The following TMX2 variants were observed in gnomAD, a reference collection of about 807,000 sequenced individuals.
TMX2 encodes thioredoxin-related transmembrane protein 2.
TMX2 carries 20 observed loss-of-function variants against 33.4 expected under a neutral mutation model. The ratio of observed to expected loss-of-function variants is 0.60; its 90% CI spans 0.42 to 0.87. The LOEUF (loss-of-function observed/expected upper bound fraction) is 0.87, where lower values mean the gene tolerates loss of function less well. TMX2 is among the 40% of genes least tolerant of loss of function. The pLI is 0.00. For missense variants in TMX2, 340 were observed against 370.7 expected, an observed-to-expected ratio of 0.92 and a Z score of 0.68; for synonymous variants, 166 against 140.7, an observed-to-expected ratio of 1.18 and a Z score of -1.27.
At chr11:57,733,708 T>TA (rs1210027130) in intron 1 of TMX2, among the ~76,000 whole-genome samples, 5 of 152,204 alleles carry the variant, frequency 3.3e-5, no homozygotes, top group African/African-American at 9.7e-5. Context: ...CATTCAATTA[T>TA]CCTCTCTTCT....
intron 5 of TMX2, 99 bp downstream of exon 5, chr11:57,738,869 C>A: frequency 6.5e-7 from 1 of 1,526,748 alleles, no homozygotes; most frequent in Non-Finnish European, 9.1e-7. Context: ...GATTTTCACA[C>A]ATGGTAACCA....
At chr11:57,725,639 A>T (rs950992111) in intron 1 of TMX2, among the ~76,000 whole-genome samples, 1 of 152,092 alleles carries the variant, frequency 6.6e-6, no homozygotes, top group Non-Finnish European at 1.5e-5. Context: ...TGGGAGGCTG[A>T]GGCAGGAGAA....
chr11:57,723,660 G>C (rs929401195), intron 1 of TMX2, among the ~76,000 whole-genome samples: 1 of 150,702 alleles, frequency 6.6e-6, no homozygotes, highest in African/African-American at 2.4e-5. Flanking sequence ...AAAATTAGCC[G>C]GGCATGGTGG....
At chr11:57,736,357 C>A (rs1164571907) in intron 1 of TMX2, among the ~76,000 whole-genome samples, 10 of 144,850 alleles carry the variant, frequency 6.9e-5, no homozygotes, top group African/African-American at 2.3e-4. Flanking sequence ...AAAAAAAAAT[C>A]AAAAATGTCT....
chr11:57,724,780 C>T (rs1947866930), intron 1 of TMX2, among the ~76,000 whole-genome samples: 1 of 152,082 alleles, frequency 6.6e-6, no homozygotes, highest in East Asian at 1.9e-4. Flanking sequence ...TGGCTCACAC[C>T]TGTAATCCCA....
At chr11:57,713,475 C>T (rs1239878216) in intron 1 of TMX2, among the ~76,000 whole-genome samples, 1 of 152,086 alleles carries the variant, frequency 6.6e-6, no homozygotes, top group Non-Finnish European at 1.5e-5. Flanking sequence ...GGGAAGTGTC[C>T]CAAGCTCCTT....
At position 57,740,422 on chromosome 11, in the gene TMX2, G is replaced by A; in HGVS notation, c.*177G>A. ...GAATTGTCAGGCACCCTACAGGAAGGCCTGCCATGCTGTGGCCAACTGTTT... is the reference window on the plus strand; with the variant it reads ...GAATTGTCAGGCACCCTACAGGAAGACCTGCCATGCTGTGGCCAACTGTTT... On this transcript the variant is annotated 3_prime_UTR_variant, in exon 8 of 8. Transcript: ENST00000278422. 2 of 689,818 alleles carry A rather than the reference G, an allele frequency of 2.9e-6. No individual in the cohort carries two copies. The highest frequency in any genetic ancestry group is 2.3e-5 in the South Asian group (1 of 44,034). The allele number at this position is 689,818 out of a possible 1,614,324, so 42.7% of individuals were successfully genotyped here. A position where few individuals can be genotyped will look rare whatever the true frequency, so the allele number is the denominator to read the frequency against.
chr11:57,740,103 A>C lies in TMX2; in HGVS notation c.749A>C (p.Asn250Thr), dbSNP rs755481457. Residue 250 changes from asparagine (N) to threonine (T), a missense_variant, in exon 8 of 8, where the codon AAT (asparagine) becomes ACT (threonine). By Grantham distance (65) the Asn-to-Thr change is moderately conservative. Coordinates refer to ENST00000278422, the MANE Select transcript of TMX2 (RefSeq NM_015959.4). ...GTGTGCATCTCTTTTGTGCAGGAGA[A>C]TGTGATCCGAGAATTTAACTTAAAT... ...RAVSWTFSEE[N>T]VIREFNLNEL... is the part of the protein sequence containing the mutation. The C allele has an allele frequency of 1.2e-6, 2 of 1,613,956 alleles. No individual in the cohort carries two copies. Among genetic ancestry groups the C allele is most frequent in the Non-Finnish European group, 1.7e-6 (2 of 1,179,866 alleles).
chr11:57,738,920 CT>C (rs1452894259), intron 5 of TMX2, 53 bp from the exon 6 acceptor site: 1 of 1,582,626 alleles, frequency 6.3e-7, no homozygotes, highest in Non-Finnish European at 8.7e-7. Flanking sequence ...TATACTTCCA[CT>C]TTCCTTGATC....
intron 2 of TMX2, 78 bp from the exon 3 acceptor site, chr11:57,737,835 G>T (rs1168920074): frequency 5.6e-6 from 9 of 1,613,622 alleles, no homozygotes; most frequent in Non-Finnish European, 7.6e-6. Context: ...CTATTTCAAA[G>T]TGCCCCATGA....
chr11:57,723,937 CTG>C lies in TMX2; in HGVS notation c.189+11131_189+11132del, dbSNP rs200843202. ...CAAAACAAGCCAGGGCAACAAAACT[CTG>C]AGCCCTATGGTTACCAAGAAAATAG... On this transcript the variant is annotated intron_variant, in intron 1 of 7. Coordinates refer to ENST00000278422, the MANE Select transcript of TMX2 (RefSeq NM_015959.4). 7.8e-3 allele frequency among the ~76,000 whole-genome samples: 1,174 copies of C among 151,160 alleles called. 5 individuals are homozygous for C. The highest frequency in any genetic ancestry group is 0.012 in the Non-Finnish European group (797 of 67,822).
chr11:57,740,619 A>T lies in TMX2; in HGVS notation c.*374A>T, dbSNP rs1001146171. ...TGACCTGCACAGCTTGGTTAGACCT[A>T]GATTTAACCCTAAGGTAAGATGCTG... On this transcript the variant is annotated 3_prime_UTR_variant, in exon 8 of 8. Transcript: ENST00000278422. 3 of 173,800 alleles carry T rather than the reference A, an allele frequency of 1.7e-5. No individual in the cohort carries two copies. Among genetic ancestry groups the T allele is most frequent in the African/African-American group, 2.4e-5 (1 of 41,900 alleles). The allele number at this position is 173,800 out of a possible 1,614,324, so 10.8% of individuals were successfully genotyped here.
chr11:57,721,801 T>G (rs758755430), intron 1 of TMX2, among the ~76,000 whole-genome samples: 12 of 152,052 alleles, frequency 7.9e-5, no homozygotes, highest in Non-Finnish European at 1.3e-4. Context: ...CATAGACAGT[T>G]AAGGATGGTG....
At chr11:57,732,015 A>G (rs921221342) in intron 1 of TMX2, among the ~76,000 whole-genome samples, 2 of 152,252 alleles carry the variant, frequency 1.3e-5, no homozygotes, top group Admixed American at 6.5e-5. Flanking sequence ...CAAAGTTGCT[A>G]CACCTAAGAC....
intron 1 of TMX2, among the ~76,000 whole-genome samples, chr11:57,733,446 C>T (rs1421276267): frequency 1.3e-5 from 2 of 151,730 alleles, no homozygotes; most frequent in East Asian, 1.9e-4. Flanking sequence ...TTAGTAGAGA[C>T]GGGTTTCACC....
chr11:57,738,877 C>T, intron 5 of TMX2, 97 bp from the exon 6 acceptor site: 16 of 1,529,204 alleles, frequency 1.0e-5, no homozygotes, highest in Non-Finnish European at 1.4e-5. Flanking sequence ...CACATGGTAA[C>T]CAAAGGCATC....
chr11:57,716,399 C>T (rs541350971), intron 1 of TMX2, among the ~76,000 whole-genome samples: 1 of 108,434 alleles, frequency 9.2e-6, no homozygotes, highest in Non-Finnish European at 2.1e-5. Flanking sequence ...GGGGCTGACC[C>T]CCCCACCTCC....
In TMX2 at chr11:57,738,130, C is replaced by A. The variant is rs1021752405; in HGVS notation, c.364+104C>A. 19 of 906,144 alleles carry A rather than the reference C, an allele frequency of 2.1e-5. No homozygotes were observed. In the Admixed American group the frequency reaches 4.1e-4, roughly 19 times the overall value. The allele number at this position is 906,144 out of a possible 1,614,324, so 56.1% of individuals were successfully genotyped here. A position where few individuals can be genotyped will look rare whatever the true frequency, so the allele number is the denominator to read the frequency against. On this transcript the variant is annotated intron_variant, in intron 3 of 7. Coordinates refer to ENST00000278422, the MANE Select transcript of TMX2 (RefSeq NM_015959.4). ...AACAGTTGCAATCCCAAACATGTTT[C>A]TCCATACCCTTCTTCCATATCTCAT...
chr11:57,727,358 A>T (rs970378435), intron 1 of TMX2, among the ~76,000 whole-genome samples: 15 of 152,270 alleles, frequency 9.9e-5, no homozygotes, highest in African/African-American at 3.6e-4. Context: ...AACTCTAGGA[A>T]TGAGGTTTCC....
Sources: gnomAD v4.1 joint callset for allele counts (sites outside exome capture counted in the v4.1 genomes callset) on GRCh38, gnomAD v4.1.1 for gene constraint, MANE v1.5 for transcripts, NCBI Gene and HGNC (gene_info 2026-07-23, HGNC 2026-07-21) for gene names.